Variants in AGRN observed in about 807,000 individuals in gnomAD.
AGRN encodes agrin proteoglycan.
Under a neutral mutation model 211.0 loss-of-function variants are expected in AGRN, and 106 were observed. The observed-to-expected ratio is 0.50, with a 90% CI of 0.43 to 0.59. The LOEUF (loss-of-function observed/expected upper bound fraction) is 0.59, where lower values mean the gene tolerates loss of function less well. Ranked by LOEUF, AGRN falls within the 20% of genes least tolerant of loss-of-function variation. AGRN has a pLI of 0.00. For synonymous variants in AGRN, 1,525 were observed against 1,332.5 expected, an observed-to-expected ratio of 1.14 and a Z score of -3.15; for missense variants, 3,040 against 2,982.6, an observed-to-expected ratio of 1.02 and a Z score of -0.45.
chr1:1,048,333 C>G lies in AGRN; in HGVS notation c.4073C>G (p.Pro1358Arg), dbSNP rs755205199. The G allele has an allele frequency of 5.4e-6, 8 of 1,473,532 alleles. No homozygotes were observed. In the South Asian group the frequency reaches 1.1e-4, roughly 21 times the overall value. The allele number at this position is 1,473,532 out of a possible 1,614,324, so 91.3% of individuals were successfully genotyped here. The change falls in exon 23 of 36, where the codon CCG becomes CGG. Residue 1358 changes from proline (P) to arginine (R), a missense_variant. By Grantham distance (103) the Pro-to-Arg change is moderately radical. Coordinates refer to ENST00000379370, the MANE Select transcript of AGRN (RefSeq NM_198576.4). The surrounding 1 kb of genome is among the most constrained non-coding windows in gnomAD (Gnocchi z 5.9). Reference protein sequence around the residue: ...ALGGGFTCSCPAGRGGAVCEK... With the variant: ...ALGGGFTCSCRAGRGGAVCEK... ...GGCGGGGGCTTCACCTGCAGCTGCCCGGCAGGCAGGGGAGGCGCCGTCTGT... is the reference window on the plus strand; with the variant it reads ...GGCGGGGGCTTCACCTGCAGCTGCCGGGCAGGCAGGGGAGGCGCCGTCTGT...
chr1:1,054,738 G>T (rs1197900550), intron 35 of AGRN, 86 bp from the exon 36 acceptor site: 4 of 1,522,232 alleles, frequency 2.6e-6, no homozygotes, highest in Non-Finnish European at 3.5e-6. Context: ...GCCCAGGTGT[G>T]GGCCCCCTGC....
chr1:1,052,211 G>T, intron 33 of AGRN: 1 of 553,684 alleles, frequency 1.8e-6, no homozygotes, highest in Non-Finnish European at 2.9e-6. Context: ...CAGGCCGAGG[G>T]TCGCCCCACA....
In AGRN at chr1:1,055,368, A is replaced by T; in HGVS notation, c.*387A>T. 1 of 353,764 alleles carries T rather than the reference A, an allele frequency of 2.8e-6. No homozygotes were observed. 21.9% of individuals were successfully genotyped at this position (353,764 alleles called of 1,614,324 possible). On this transcript the variant is annotated 3_prime_UTR_variant, in exon 36 of 36. Coordinates refer to ENST00000379370, the MANE Select transcript of AGRN (RefSeq NM_198576.4). ...TCTGATGGGGCCCTTCCTCCGGGTG[A>T]CCCCACAGGGCCTTTCCAAGCCCCC...
intron 33 of AGRN, 135 bp from the exon 34 acceptor site, chr1:1,053,618 G>A (rs1481516294): frequency 3.1e-5 from 46 of 1,494,644 alleles, no homozygotes; most frequent in Non-Finnish European, 4.0e-5. Flanking sequence ...CACTGTCGGT[G>A]TCTGCCCACC....
rs1644361880 is a variant in AGRN at position 1,020,130 on chromosome 1, C to T, written c.-43C>T. Reference sequence around the variant, plus strand: ...CGTCCCGTCCTGTCCAGTCCCGTCCCCGGCGCGGCCCGCGCGCTCCTCCGC... The same window carrying T: ...CGTCCCGTCCTGTCCAGTCCCGTCCTCGGCGCGGCCCGCGCGCTCCTCCGC... On this transcript the variant is annotated 5_prime_UTR_variant, in exon 1 of 36. Coordinates refer to ENST00000379370, the MANE Select transcript of AGRN (RefSeq NM_198576.4). 4 of 1,094,986 alleles carry T rather than the reference C, an allele frequency of 3.7e-6. No homozygotes were observed. In the Admixed American group the frequency reaches 1.1e-4, roughly 29 times the overall value. The allele number at this position is 1,094,986 out of a possible 1,614,324, so 67.8% of individuals were successfully genotyped here.
chr1:1,050,719 T>A lies in AGRN; in HGVS notation c.5142-7T>A, dbSNP rs1173070792. On this transcript the variant is annotated splice_region_variant and splice_polypyrimidine_tract_variant and intron_variant, in intron 29 of 35. Transcript: ENST00000379370. ...CAGAGCCCACTCACGCTGCCCCTCC[T>A]CACCAGGAGCAGGGAGCCAGTCACC... 6.2e-7 allele frequency: 1 copy of A among 1,600,834 alleles called. No homozygotes were observed. The highest frequency in any genetic ancestry group is 1.3e-5 in the African/African-American group (1 of 74,640).
chr1:1,024,610 C>T (rs1366701899), intron 2 of AGRN, among the ~76,000 whole-genome samples: 1 of 152,084 alleles, frequency 6.6e-6, no homozygotes, highest in African/African-American at 2.4e-5. Flanking sequence ...GAGGGCCACG[C>T]CCCTCACCAC....
rs756791843 is a variant in AGRN at position 1,050,772 on chromosome 1, G to A, written c.5188G>A (p.Glu1730Lys). Residue 1730 changes from glutamate (E) to lysine (K), a missense_variant, in exon 30 of 36, where the codon GAG becomes AAG. Physicochemically the swap from Glu to Lys is moderately conservative, Grantham distance 56. This residue lies in a region of AGRN where 1,537 missense variants were observed against 1,505.0 expected (regional missense o/e 1.02). Coordinates refer to ENST00000379370, the MANE Select transcript of AGRN (RefSeq NM_198576.4). ...TLGAWTRVSL[E>K]RNGRKGALRV... ...GGGAGCCTGGACCAGGGTCTCACTG[G>A]AGCGAAACGGCCGCAAGGGTGCCCT... 3 of 1,603,084 alleles carry A rather than the reference G, an allele frequency of 1.9e-6. No individual in the cohort carries two copies. The highest frequency in any genetic ancestry group is 2.5e-6 in the Non-Finnish European group (3 of 1,177,822).
At chr1:1,020,979 C>T (rs900672855) in intron 1 of AGRN, among the ~76,000 whole-genome samples, 1 of 151,968 alleles carries the variant, frequency 6.6e-6, no homozygotes, top group African/African-American at 2.4e-5. Context: ...GGGAAGTTTC[C>T]CTGGTTTCTC....
rs142523522 is a variant in AGRN at position 1,030,767 on chromosome 1, A to ATG, written c.464-4491_464-4490dup. Among the ~76,000 whole-genome samples the ATG allele has an allele frequency of 1.3e-3, 52 of 40,670 alleles. 1 individual carries two copies. Among genetic ancestry groups the ATG allele is most frequent in the African/African-American group, 6.7e-3 (50 of 7,482 alleles). The allele number at this position is 40,670 out of a possible 152,430, so 26.7% of individuals were successfully genotyped here. On this transcript the variant is annotated intron_variant, in intron 2 of 35. Transcript: ENST00000379370. The stretch of plus-strand genomic sequence containing the variant: ...CAGCGCATGGTGCTGTGAGATCAGC[A>ATG]TGTGTGTGTGTGTGTGTGTGCAGTG...
chr1:1,045,040 C>G (rs1645051713), intron 12 of AGRN, 121 bp from the exon 13 acceptor site: 1 of 1,119,724 alleles, frequency 8.9e-7, no homozygotes, highest in Admixed American at 1.8e-5. Context: ...CCGGGCTCCT[C>G]TGGGAGCTGG....
chr1:1,034,451 C>T, intron 2 of AGRN: 2 of 985,706 alleles, frequency 2.0e-6, no homozygotes, highest in Non-Finnish European at 2.4e-6. Flanking sequence ...TGTCCGCCGC[C>T]CCAGGGGTCC....
intron 30 of AGRN, 167 bp from the exon 31 acceptor site, chr1:1,051,086 A>G (rs1570247608): frequency 6.8e-7 from 1 of 1,476,756 alleles, no homozygotes; most frequent in Admixed American, 2.1e-5. Flanking sequence ...TGGCGCCTCA[A>G]CCCCTAGGGT....
chr1:1,040,846 G>A lies in AGRN; in HGVS notation c.693G>A (p.Gln231=). The A allele has an allele frequency of 6.5e-7, 1 of 1,532,352 alleles. No individual in the cohort carries two copies. The highest frequency in any genetic ancestry group is 1.8e-4 in the Middle Eastern group (1 of 5,450). The allele number at this position is 1,532,352 out of a possible 1,614,324, so 94.9% of individuals were successfully genotyped here. ...CELQRAQCSQ[Q]RRIRLLSRGP... ...TGCAGCGGGCGCAGTGCAGCCAGCA[G>A]CGCCGCATCCGCCTGCTCAGCCGCG... Residue 231 remains glutamine, a synonymous_variant, in exon 4 of 36, where the codon CAG becomes CAA. Coordinates refer to ENST00000379370, the MANE Select transcript of AGRN (RefSeq NM_198576.4).
In AGRN at chr1:1,051,715, G is replaced by A; in HGVS notation, c.5564-13G>A. On this transcript the variant is annotated splice_polypyrimidine_tract_variant and intron_variant, in intron 32 of 35. Coordinates refer to ENST00000379370, the MANE Select transcript of AGRN (RefSeq NM_198576.4). The stretch of plus-strand genomic sequence containing the variant: ...AGCCCACGAGGCCCCACCCTCACCT[G>A]CCTATCTCACAGGGCTGGTGGAGAA... The A allele has an allele frequency of 6.2e-7, 1 of 1,613,622 alleles. No individual in the cohort carries two copies.
intron 3 of AGRN, among the ~76,000 whole-genome samples, chr1:1,038,817 G>A (rs1416487223): frequency 6.6e-6 from 1 of 152,236 alleles, no homozygotes; most frequent in Non-Finnish European, 1.5e-5. Context: ...CAGGGCCTTG[G>A]ACAAGGCAGG....
At position 1,048,149 on chromosome 1, in the gene AGRN, C is replaced by T. The variant is rs2100668248; in HGVS notation, c.3889C>T (p.Pro1297Ser). 6.3e-7 allele frequency: 1 copy of T among 1,578,908 alleles called. No homozygotes were observed. Residue 1297 changes from proline to serine, a missense_variant, in exon 23 of 36, where the codon CCC becomes TCC. Physicochemically the swap from Pro to Ser is moderately conservative, Grantham distance 74 (BLOSUM62 -1). Around this residue, in one of 3 missense-constraint regions of AGRN, gnomAD observed 1,537 missense variants for 1,505.0 expected, o/e 1.02. Transcript: ENST00000379370. This position sits in a 1 kb window ranked among gnomAD's most constrained non-coding sequence, Gnocchi z 5.9. ...RAPHPSHTSQPVAKTTAAPTT... is the reference protein window; with the variant it reads ...RAPHPSHTSQSVAKTTAAPTT... ...CCCGCACCCCAGTCACACAAGCCAGCCCGTTGCCAAGACCACGGCAGCCCC... is the reference window on the plus strand; with the variant it reads ...CCCGCACCCCAGTCACACAAGCCAGTCCGTTGCCAAGACCACGGCAGCCCC...
At position 1,049,547 on chromosome 1, in the gene AGRN, G is replaced by T. The variant is rs751251628; in HGVS notation, c.4515-19G>T. ...CCTGTGGCCCCTGAGCCCTGACCCG[G>T]TGTCCCTCCTGGTGGCAGGGCGCTG... On this transcript the variant is annotated intron_variant, in intron 25 of 35. Coordinates refer to ENST00000379370, the MANE Select transcript of AGRN (RefSeq NM_198576.4). The T allele has an allele frequency of 1.4e-5, 22 of 1,590,026 alleles. No homozygotes were observed. In the South Asian group the frequency reaches 2.5e-4, roughly 18 times the overall value.
intron 26 of AGRN, 36 bp downstream of exon 26, chr1:1,049,831 C>T (rs367608697): frequency 3.7e-6 from 6 of 1,609,874 alleles, no homozygotes; most frequent in Non-Finnish European, 5.1e-6. Flanking sequence ...GAGTGGGACC[C>T]CGGGGCCTGT....
Sources: gnomAD v4.1 joint callset for allele counts (sites outside exome capture counted in the v4.1 genomes callset) on GRCh38, gnomAD v4.1.1 for gene constraint, gnomAD v4.1.1 regional missense constraint, Gnocchi (gnomAD v3.1) non-coding constraint, MANE v1.5 for transcripts, NCBI Gene and HGNC (gene_info 2026-07-23, HGNC 2026-07-21) for gene names.